Variants in MACROD2 observed in about 807,000 individuals in gnomAD.
MACROD2 encodes the protein ADP-ribose glycohydrolase MACROD2.
MACROD2 carries 36 observed loss-of-function variants against 70.4 expected under a neutral mutation model. That is an observed-to-expected ratio of 0.51 (90% CI 0.39 to 0.68). The LOEUF (loss-of-function observed/expected upper bound fraction) is 0.68, where lower values mean the gene tolerates loss of function less well. Ranked by LOEUF, MACROD2 falls within the 30% of genes least tolerant of loss-of-function variation. The probability of loss-of-function intolerance (pLI) is 0.00; values close to 1 mark genes in which losing one functional copy is unlikely to be tolerated. For synonymous variants in MACROD2, 172 were observed against 178.8 expected (o/e 0.96, Z 0.30); for missense variants, 496 against 538.4 (o/e 0.92, Z 0.78).
chr20:15,284,597 A>G (rs1431201177), intron 6 of MACROD2, among the ~76,000 whole-genome samples: 1 of 152,058 alleles, frequency 6.6e-6, no homozygotes, highest in African/African-American at 2.4e-5. Flanking sequence ...TGGGTCTGGG[A>G]TGAAATTTTG....
intron 8 of MACROD2, among the ~76,000 whole-genome samples, chr20:15,565,433 G>C (rs1458099742): frequency 6.6e-6 from 1 of 152,110 alleles, no homozygotes. Context: ...TATTTGTTTG[G>C]AATTTCTGAG....
chr20:14,494,294 C>A (rs1309540312), intron 4 of MACROD2, among the ~76,000 whole-genome samples: 1 of 151,964 alleles, frequency 6.6e-6, no homozygotes, highest in South Asian at 2.1e-4. Context: ...CTTGCTCTTT[C>A]TTTTTTCTTA....
intron 7 of MACROD2, among the ~76,000 whole-genome samples, chr20:15,468,337 T>C (rs1360879576): frequency 6.6e-6 from 1 of 151,934 alleles, no homozygotes; most frequent in African/African-American, 2.4e-5. Context: ...TTTCAGTTAG[T>C]GGGAAGAAAT....
intron 8 of MACROD2, 92 bp from the exon 9 acceptor site, chr20:15,862,653 G>T (rs2064440294): frequency 7.3e-6 from 7 of 955,014 alleles, no homozygotes; most frequent in Non-Finnish European, 9.8e-6. Context: ...TCTGTATGAG[G>T]CCTTTCCATT....
intron 4 of MACROD2, among the ~76,000 whole-genome samples, chr20:14,675,012 C>T (rs937886140): frequency 1.3e-5 from 2 of 152,108 alleles, no homozygotes; most frequent in African/African-American, 4.8e-5. Flanking sequence ...ATTTCCCTTG[C>T]TAAAAACTGT....
chr20:15,494,071 T>C (rs1276996433), intron 7 of MACROD2, among the ~76,000 whole-genome samples: 1 of 152,254 alleles, frequency 6.6e-6, no homozygotes, highest in African/African-American at 2.4e-5. Flanking sequence ...ATAAAACTTG[T>C]CTTGGCTTCT....
In MACROD2 at chr20:14,423,153, C is replaced by T. The variant is rs367714084; in HGVS notation, c.272-70326C>T. On this transcript the variant is annotated intron_variant, in intron 3 of 17. Coordinates refer to ENST00000684519, the MANE Select transcript of MACROD2 (RefSeq NM_001351661.2). Reference sequence around the variant, plus strand: ...GAGGGAGGGAATGGGAACTGGAATGCTCTGGTTTCCCGACCAAGACCACTG... The same window carrying T: ...GAGGGAGGGAATGGGAACTGGAATGTTCTGGTTTCCCGACCAAGACCACTG... Among the ~76,000 whole-genome samples the T allele has an allele frequency of 3.6e-4, 55 of 152,286 alleles. 1 individual carries two copies. The highest frequency in any genetic ancestry group is 1.2e-3 in the African/African-American group (50 of 41,560).
At chr20:14,588,594 C>A (rs187509376) in intron 4 of MACROD2, among the ~76,000 whole-genome samples, 1 of 152,016 alleles carries the variant, frequency 6.6e-6, no homozygotes, top group South Asian at 2.1e-4. Context: ...CTGCAACTTC[C>A]GCCTCCTGGG....
Position 15,322,824 on chromosome 20 carries a change from A to G in MACROD2, c.540+92763A>G, listed in dbSNP as rs1436186312. On this transcript the variant is annotated intron_variant, in intron 6 of 17. Coordinates refer to ENST00000684519, the MANE Select transcript of MACROD2 (RefSeq NM_001351661.2). The stretch of plus-strand genomic sequence containing the variant: ...TCTTTTTATAATAGAAGCATGAAAA[A>G]AGTCTGCCTATTAGAAATGTGACCT... Among the ~76,000 whole-genome samples the G allele has an allele frequency of 1.4e-5, 2 of 143,900 alleles. 1 individual carries two copies. The highest frequency in any genetic ancestry group is 5.0e-5 in the African/African-American group (2 of 40,254). 94.4% of individuals were successfully genotyped at this position (143,900 alleles called of 152,430 possible).
intron 7 of MACROD2, among the ~76,000 whole-genome samples, chr20:15,460,088 A>G (rs1023629941): frequency 3.3e-5 from 5 of 152,104 alleles, no homozygotes; most frequent in African/African-American, 1.2e-4. Context: ...TACTGGAAAA[A>G]GACACGACTA....
intron 6 of MACROD2, among the ~76,000 whole-genome samples, chr20:15,365,340 C>A (rs2045393441): frequency 6.6e-6 from 1 of 152,016 alleles, no homozygotes; most frequent in African/African-American, 2.4e-5. Context: ...CCTCTCTATC[C>A]AAACTTCAAA....
At chr20:14,710,842 T>A (rs2071330229) in intron 5 of MACROD2, among the ~76,000 whole-genome samples, 1 of 152,176 alleles carries the variant, frequency 6.6e-6, no homozygotes, top group South Asian at 2.1e-4. Flanking sequence ...TCAGTGTTTC[T>A]CCTGATTGAT....
intron 10 of MACROD2, among the ~76,000 whole-genome samples, chr20:15,899,309 T>C (rs1451995470): frequency 6.6e-6 from 1 of 151,892 alleles, no homozygotes; most frequent in Non-Finnish European, 1.5e-5. Flanking sequence ...TGTGTGTACA[T>C]ATATACATAT....
intron 10 of MACROD2, among the ~76,000 whole-genome samples, chr20:15,886,513 C>G (rs146338482): frequency 6.6e-6 from 1 of 152,124 alleles, no homozygotes; most frequent in Non-Finnish European, 1.5e-5. Context: ...TTCTATAGAG[C>G]GTGTAAGACC....
chr20:14,619,076 G>T (rs1983648766), intron 4 of MACROD2, among the ~76,000 whole-genome samples: 1 of 151,924 alleles, frequency 6.6e-6, no homozygotes, highest in Non-Finnish European at 1.5e-5. Context: ...AAATCCAAGG[G>T]ATTGGAAAAA....
At chr20:15,311,733 C>G (rs191198898) in intron 6 of MACROD2, among the ~76,000 whole-genome samples, 1 of 152,120 alleles carries the variant, frequency 6.6e-6, no homozygotes, top group East Asian at 1.9e-4. Flanking sequence ...AGCTAAATAT[C>G]GAGTACTCAC....
chr20:14,771,822 T>C (rs572647393), intron 5 of MACROD2, among the ~76,000 whole-genome samples: 1 of 152,080 alleles, frequency 6.6e-6, no homozygotes, highest in East Asian at 1.9e-4. Flanking sequence ...TGTGTGTTTG[T>C]GTGTGTGTAG....
chr20:14,645,800 A>G (rs893456725), intron 4 of MACROD2, among the ~76,000 whole-genome samples: 1 of 152,036 alleles, frequency 6.6e-6, no homozygotes, highest in African/African-American at 2.4e-5. Flanking sequence ...AGAGACAGTA[A>G]TAACAGAGAG....
chr20:15,629,596 G>C (rs200763), intron 8 of MACROD2, among the ~76,000 whole-genome samples: 79,964 of 152,074 alleles, frequency 0.53, 22,560 homozygotes, highest in African/African-American at 0.75. Flanking sequence ...ACATTCACTT[G>C]CCTTTGCTGT....
Sources: allele counts gnomAD v4.1 joint callset (sites outside exome capture counted in the v4.1 genomes callset), GRCh38; gene constraint gnomAD v4.1.1; transcripts MANE v1.5; gene names NCBI Gene and HGNC (gene_info 2026-07-23, HGNC 2026-07-21).